The following USP7 variants were observed in gnomAD, a reference collection of about 807,000 sequenced individuals.
USP7 encodes the protein ubiquitin C-terminal hydrolase 7.
Under a neutral mutation model 162.9 loss-of-function variants are expected in USP7, and 9 were observed. The observed-to-expected ratio is 0.06, with a 90% confidence interval of 0.03 to 0.10. The LOEUF (loss-of-function observed/expected upper bound fraction) is 0.10. Among genes scored for constraint, USP7 ranks in the 10% least tolerant of loss-of-function variants. The pLI is 1.00. For missense variants in USP7, 715 were observed against 1,373.7 expected (o/e 0.52, Z 7.58); for synonymous variants, 562 against 475.9 (o/e 1.18, Z -2.35).
chr16:8,923,550 A>T (rs1897821414), intron 2 of USP7, 137 bp from the exon 3 acceptor site: 2 of 890,408 alleles, frequency 2.2e-6, no homozygotes, highest in Non-Finnish European at 3.4e-6. Flanking sequence ...ATTGCTTCCA[A>T]TTTATTAAAA....
At chr16:8,929,593 GA>G (rs1380842965) in intron 2 of USP7, 2 of 455,910 alleles carry the variant, frequency 4.4e-6, no homozygotes, top group African/African-American at 4.0e-5. Context: ...CTTTTTGACA[GA>G]ACATGGTTTC....
At chr16:8,952,481 TA>T (rs1899599491) in intron 1 of USP7, among the ~76,000 whole-genome samples, 1 of 152,148 alleles carries the variant, frequency 6.6e-6, no homozygotes, top group Non-Finnish European at 1.5e-5. Context: ...CTGGAGGTTC[TA>T]GGGGGAAATG....
At chr16:8,902,054 T>G in intron 18 of USP7, 28 bp downstream of exon 18, 1 of 1,582,966 alleles carries the variant, frequency 6.3e-7, no homozygotes, top group Non-Finnish European at 8.7e-7. Context: ...CTGCTCTAAG[T>G]GCAGGCAGGC....
intron 1 of USP7, among the ~76,000 whole-genome samples, chr16:8,956,044 C>T (rs1899785489): frequency 1.3e-5 from 2 of 152,206 alleles, no homozygotes; most frequent in South Asian, 4.1e-4. Flanking sequence ...CAAACTCACA[C>T]AGCACACTTT....
At chr16:8,904,920 C>G (rs534845735) in intron 14 of USP7, among the ~76,000 whole-genome samples, 2 of 152,044 alleles carry the variant, frequency 1.3e-5, no homozygotes, top group African/African-American at 2.4e-5. Context: ...TGCAGTGAGC[C>G]GAGATCGCGC....
chr16:8,921,359 GA>G (rs1288445388), intron 3 of USP7, 64 bp from the exon 4 acceptor site: 2 of 1,567,768 alleles, frequency 1.3e-6, no homozygotes, highest in African/African-American at 2.7e-5. Context: ...CATTTTTAAA[GA>G]CAGTAAACAT....
chr16:8,913,411 C>A (rs1049907412), intron 10 of USP7, among the ~76,000 whole-genome samples: 9 of 151,702 alleles, frequency 5.9e-5, no homozygotes, highest in Non-Finnish European at 1.2e-4. Context: ...TGAAGCGAAG[C>A]GAAGAATATG....
intron 1 of USP7, among the ~76,000 whole-genome samples, chr16:8,958,524 C>A (rs1038689381): frequency 3.3e-5 from 5 of 152,202 alleles, no homozygotes; most frequent in African/African-American, 1.2e-4. Flanking sequence ...GGGAGGCTAC[C>A]ACCACAGTTC....
intron 15 of USP7, among the ~76,000 whole-genome samples, 155 bp downstream of exon 15, chr16:8,904,280 G>T (rs2061823990): frequency 6.6e-6 from 1 of 152,210 alleles, no homozygotes; most frequent in Non-Finnish European, 1.5e-5. Context: ...GGTCCCAGAG[G>T]AGTGGGGACT....
intron 1 of USP7, among the ~76,000 whole-genome samples, chr16:8,933,008 T>C (rs1190736433): frequency 6.6e-6 from 1 of 152,002 alleles, no homozygotes; most frequent in African/African-American, 2.4e-5. Flanking sequence ...TGGCGAGATC[T>C]CGGCTCACTG....
chr16:8,906,384 T>C (rs774515826), intron 13 of USP7, 42 bp downstream of exon 13: 1 of 1,594,826 alleles, frequency 6.3e-7, no homozygotes, highest in South Asian at 1.1e-5. Context: ...TTGTGTTAAC[T>C]TTCTGATGAG....
At chr16:8,926,725 C>G (rs376242543) in intron 2 of USP7, among the ~76,000 whole-genome samples, 1 of 152,178 alleles carries the variant, frequency 6.6e-6, no homozygotes, top group East Asian at 1.9e-4. Context: ...GCACTTCATG[C>G]ACAAAGACTC....
intron 27 of USP7, among the ~76,000 whole-genome samples, 176 bp from the exon 28 acceptor site, chr16:8,895,326 T>C (rs2061664832): frequency 6.6e-6 from 1 of 152,188 alleles, no homozygotes; most frequent in Admixed American, 6.5e-5. Context: ...AGCCAGAAGA[T>C]ATCCAAGTTT....
At chr16:8,944,654 C>T (rs1899197980) in intron 1 of USP7, among the ~76,000 whole-genome samples, 1 of 152,158 alleles carries the variant, frequency 6.6e-6, no homozygotes, top group African/African-American at 2.4e-5. Flanking sequence ...TCTTTTGCAC[C>T]ATGTCACAGG....
intron 12 of USP7, among the ~76,000 whole-genome samples, chr16:8,908,066 C>G (rs932568044): frequency 6.6e-6 from 1 of 152,148 alleles, no homozygotes. Flanking sequence ...GAAACAGCCC[C>G]ATCCTTGTGG....
chr16:8,914,897 C>G (rs1312123397), intron 10 of USP7, among the ~76,000 whole-genome samples: 2 of 152,208 alleles, frequency 1.3e-5, no homozygotes, highest in African/African-American at 4.8e-5. Flanking sequence ...TACAGCACAA[C>G]AAGACCCTAT....
At chr16:8,917,300 C>T in intron 6 of USP7, 144 bp from the exon 7 acceptor site, 3 of 971,032 alleles carry the variant, frequency 3.1e-6, no homozygotes, top group South Asian at 4.4e-5. Flanking sequence ...TTAACGATCC[C>T]CAAATTGGTG....
At chr16:8,945,221 T>C (rs544052003) in intron 1 of USP7, among the ~76,000 whole-genome samples, 32 of 151,168 alleles carry the variant, frequency 2.1e-4, no homozygotes, top group East Asian at 3.9e-4. Context: ...CGAAATTCCA[T>C]CTTCAAAAAA....
At position 8,949,912 on chromosome 16, in the gene USP7, T is replaced by TA. The variant is rs1899472263; in HGVS notation, c.79+13294_79+13295insT. On this transcript the variant is annotated intron_variant, in intron 1 of 30. Transcript: ENST00000344836. Reference sequence around the variant, plus strand: ...TGGCTTTCCATATTCTAAACCATACTGGTCAAGGAGGTCTAACGGTTGCTA... The same window carrying TA: ...TGGCTTTCCATATTCTAAACCATACTAGGTCAAGGAGGTCTAACGGTTGCTA... Among the ~76,000 whole-genome samples, 4 of 152,324 alleles carry TA rather than the reference T, an allele frequency of 2.6e-5. No homozygotes were observed. In the South Asian group the frequency reaches 8.3e-4, roughly 32 times the overall value.
Sources: gnomAD v4.1 joint callset for allele counts (sites outside exome capture counted in the v4.1 genomes callset) on GRCh38, gnomAD v4.1.1 for gene constraint, MANE v1.5 for transcripts, NCBI Gene and HGNC (gene_info 2026-07-23, HGNC 2026-07-21) for gene names.